Variants in PLD5 observed in about 807,000 individuals in gnomAD.
The protein encoded by PLD5 is phospholipase D family member 5.
In PLD5, 36 loss-of-function variants were observed where a neutral mutation model predicts 61.1. The ratio of observed to expected loss-of-function variants is 0.59; its 90% CI spans 0.45 to 0.78. The LOEUF (loss-of-function observed/expected upper bound fraction) is 0.78. PLD5 is among the 30% of genes least tolerant of loss of function. PLD5 has a pLI of 0.00. For synonymous variants in PLD5, 243 were observed against 242.8 expected (o/e 1.00, Z -0.01); for missense variants, 515 against 644.4 (o/e 0.80, Z 2.17).
chr1:242,127,708 G>A (rs1438319552), intron 5 of PLD5, among the ~76,000 whole-genome samples: 7 of 152,092 alleles, frequency 4.6e-5, no homozygotes, highest in Non-Finnish European at 1.0e-4. Context: ...TGGGTTCAAT[G>A]TACACTGCTT....
chr1:242,249,048 A>G (rs546937253), intron 4 of PLD5, among the ~76,000 whole-genome samples: 1 of 152,294 alleles, frequency 6.6e-6, no homozygotes, highest in African/African-American at 2.4e-5. Context: ...CTCGGGAGGC[A>G]GAGGTCGCAG....
intron 1 of PLD5, among the ~76,000 whole-genome samples, chr1:242,453,776 CCT>C (rs1273626688): frequency 6.6e-6 from 1 of 152,168 alleles, no homozygotes; most frequent in Non-Finnish European, 1.5e-5. Flanking sequence ...CCTGTCCACC[CCT>C]CTCTCATAAA....
intron 1 of PLD5, chr1:242,376,903 C>T (rs1661994122): frequency 3.8e-6 from 6 of 1,585,780 alleles, no homozygotes; most frequent in Non-Finnish European, 5.1e-6. Flanking sequence ...CAGGGATTTT[C>T]CTCATGGATC....
intron 4 of PLD5, among the ~76,000 whole-genome samples, chr1:242,225,211 C>T (rs188223715): frequency 6.6e-6 from 1 of 150,986 alleles, no homozygotes; most frequent in African/African-American, 2.4e-5. Context: ...CATGTGAGAC[C>T]CATTCATGCT....
chr1:242,523,832 C>T (rs1171767335), intron 1 of PLD5, among the ~76,000 whole-genome samples: 1 of 152,240 alleles, frequency 6.6e-6, no homozygotes, highest in African/African-American at 2.4e-5. Context: ...TGAACCCTAC[C>T]GGGAGACGCA....
chr1:242,185,136 C>T (rs1574473081), intron 5 of PLD5, among the ~76,000 whole-genome samples: 1 of 152,206 alleles, frequency 6.6e-6, no homozygotes, highest in Non-Finnish European at 1.5e-5. Context: ...GGAACACATA[C>T]ATTTGTCACA....
At chr1:242,412,568 T>A (rs1572097611) in intron 1 of PLD5, among the ~76,000 whole-genome samples, 3 of 152,220 alleles carry the variant, frequency 2.0e-5, no homozygotes. Flanking sequence ...TATGAAATCG[T>A]ACAGTACGTA....
intron 1 of PLD5, among the ~76,000 whole-genome samples, chr1:242,397,395 C>G (rs1038766162): frequency 1.3e-5 from 2 of 150,914 alleles, no homozygotes; most frequent in Admixed American, 1.3e-4. Context: ...GCTCTAACTT[C>G]AAAATACACT....
At chr1:242,331,905 A>T (rs1659197480) in intron 2 of PLD5, among the ~76,000 whole-genome samples, 1 of 152,154 alleles carries the variant, frequency 6.6e-6, no homozygotes, top group South Asian at 2.1e-4. Flanking sequence ...TTATTATTAT[A>T]CTTCATGTCC....
intron 5 of PLD5, among the ~76,000 whole-genome samples, chr1:242,132,206 G>GGGGGGC (rs1553305634): frequency 1.1e-5 from 1 of 87,008 alleles, no homozygotes; most frequent in African/African-American, 5.7e-5. Context: ...GGGGGGGGGG[G>GGGGGGC]GCGGAATCAT....
intron 1 of PLD5, among the ~76,000 whole-genome samples, chr1:242,481,517 C>T (rs759051158): frequency 3.9e-5 from 6 of 152,126 alleles, no homozygotes; most frequent in Admixed American, 6.6e-5. Context: ...GGGGGAGGGG[C>T]GCCTGCCATT....
In PLD5 at chr1:242,154,677, C is replaced by T. The variant is rs150628373; in HGVS notation, c.736-30012G>A. 2.2e-3 allele frequency among the ~76,000 whole-genome samples: 342 copies of T among 152,250 alleles called. 4 individuals carry two copies. The highest frequency in any genetic ancestry group is 7.9e-3 in the African/African-American group (328 of 41,526). ...ATTTGTGTATGTTGAACCAGTCTTG[C>T]ATCTCAGGGATGAAGCTCACTTGGT... On this transcript the variant is annotated intron_variant, in intron 5 of 9. Transcript: ENST00000536534.
intron 4 of PLD5, among the ~76,000 whole-genome samples, chr1:242,230,750 T>G (rs144900972): frequency 7.9e-5 from 12 of 152,364 alleles, no homozygotes; most frequent in African/African-American, 2.4e-4. Context: ...AATGCATTTT[T>G]AATTTTAACA....
chr1:242,083,945 C>T lies in PLD5; in HGVS notation c.*5909G>A, dbSNP rs976012476. On this transcript the variant is annotated 3_prime_UTR_variant, in exon 10 of 10. Coordinates refer to ENST00000536534, the MANE Select transcript of PLD5 (RefSeq NM_001372062.1). ...CAAGGGGCTCAGAATGTCTCATCTG[C>T]TTTTCAGAATTTTCCGCCCATGGGG... 6.6e-6 allele frequency: 1 copy of T among 152,108 alleles called. No individual in the cohort carries two copies. 9.4% of individuals were successfully genotyped at this position (152,108 alleles called of 1,614,324 possible). A position where few individuals can be genotyped will look rare whatever the true frequency, so the allele number is the denominator to read the frequency against.
rs1242057388 is a variant in PLD5, at chr1:242,185,586, G to A, written c.735+34402C>T. ...AACACAGCACCACAAGCCTTGCCTG[G>A]GGTAGAGAGATATTATACAAGGGAA... On this transcript the variant is annotated intron_variant, in intron 5 of 9. Coordinates refer to ENST00000536534, the MANE Select transcript of PLD5 (RefSeq NM_001372062.1). Among the ~76,000 whole-genome samples, 4 of 152,086 alleles carry A rather than the reference G, an allele frequency of 2.6e-5. No homozygotes were observed. In the South Asian group the frequency reaches 6.2e-4, roughly 24 times the overall value.
chr1:242,379,668 C>T (rs1200751937), intron 1 of PLD5, among the ~76,000 whole-genome samples: 2 of 152,062 alleles, frequency 1.3e-5, no homozygotes, highest in Admixed American at 6.6e-5. Context: ...AACAGAAACA[C>T]ATGCAGTTTC....
At chr1:242,167,687 A>G (rs1385731695) in intron 5 of PLD5, among the ~76,000 whole-genome samples, 2 of 152,176 alleles carry the variant, frequency 1.3e-5, no homozygotes, top group East Asian at 3.8e-4. Context: ...TTTCATCCCC[A>G]TTTTACAGAA....
chr1:242,152,970 C>T (rs1665054198), intron 5 of PLD5, among the ~76,000 whole-genome samples: 3 of 151,890 alleles, frequency 2.0e-5, no homozygotes, highest in South Asian at 4.2e-4. Flanking sequence ...TACACTCCCA[C>T]CAACAGTGTA....
intron 1 of PLD5, among the ~76,000 whole-genome samples, chr1:242,410,528 G>C (rs1664490962): frequency 6.6e-6 from 1 of 152,022 alleles, no homozygotes; most frequent in Non-Finnish European, 1.5e-5. Flanking sequence ...ACCTACTGTT[G>C]AGAGTTTTAA....
Sources: gnomAD v4.1 joint callset for allele counts (sites outside exome capture counted in the v4.1 genomes callset) on GRCh38, gnomAD v4.1.1 for gene constraint, MANE v1.5 for transcripts, NCBI Gene and HGNC (gene_info 2026-07-23, HGNC 2026-07-21) for gene names.